Variants in TOX2 observed in about 807,000 individuals in gnomAD.
The protein encoded by TOX2 is granulosa cell HMG box 1.
Under a neutral mutation model 47.4 loss-of-function variants are expected in TOX2, and 15 were observed. That is an observed-to-expected ratio of 0.32 (90% CI 0.21 to 0.49). TOX2 has a LOEUF of 0.49. Ranked by LOEUF, TOX2 falls within the 20% of genes least tolerant of loss-of-function variation. TOX2 has a pLI of 0.99. For missense variants in TOX2, 622 were observed against 673.1 expected, an observed-to-expected ratio of 0.92 and a Z score of 0.84; for synonymous variants, 290 against 296.6, an observed-to-expected ratio of 0.98 and a Z score of 0.23.
intron 2 of TOX2, among the ~76,000 whole-genome samples, chr20:44,003,991 T>A (rs1044606401): frequency 6.6e-6 from 1 of 152,054 alleles, no homozygotes; most frequent in African/African-American, 2.4e-5. Flanking sequence ...GCAGCCCGAG[T>A]GGCCAATGAA....
At chr20:44,027,128 G>T (rs973950065) in intron 3 of TOX2, among the ~76,000 whole-genome samples, 1 of 152,220 alleles carries the variant, frequency 6.6e-6, no homozygotes, top group African/African-American at 2.4e-5. Context: ...AGGGCCTGAT[G>T]AATAATTTAA....
At chr20:43,946,877 C>T (rs2069482229) in intron 1 of TOX2, among the ~76,000 whole-genome samples, 1 of 152,198 alleles carries the variant, frequency 6.6e-6, no homozygotes, top group Non-Finnish European at 1.5e-5. Context: ...GGAGACCCGA[C>T]CTCTTCTCGT....
intron 1 of TOX2, among the ~76,000 whole-genome samples, chr20:43,945,134 C>T (rs1045044771): frequency 4.0e-5 from 6 of 151,608 alleles, no homozygotes; most frequent in East Asian, 3.9e-4. Flanking sequence ...ATGTAATACA[C>T]GCTTGTGGTA....
chr20:44,008,557 C>T (rs990282490), intron 3 of TOX2, among the ~76,000 whole-genome samples: 2 of 62,350 alleles, frequency 3.2e-5, no homozygotes, highest in Non-Finnish European at 6.1e-5. Context: ...AAGACCCTGT[C>T]TCAAAAAAAA....
intron 1 of TOX2, among the ~76,000 whole-genome samples, chr20:43,951,415 A>G (rs1388514340): frequency 6.6e-6 from 1 of 152,034 alleles, no homozygotes; most frequent in Admixed American, 6.5e-5. Context: ...TATCTACTAA[A>G]AATACAAAAA....
intron 1 of TOX2, among the ~76,000 whole-genome samples, chr20:43,931,704 C>T (rs916634071): frequency 1.3e-5 from 2 of 152,088 alleles, no homozygotes; most frequent in African/African-American, 2.4e-5. Context: ...AAATACTGGA[C>T]GGGGCAAGAG....
intron 1 of TOX2, among the ~76,000 whole-genome samples, chr20:43,954,289 T>C (rs375309423): frequency 5.9e-5 from 9 of 152,316 alleles, no homozygotes; most frequent in Admixed American, 3.3e-4. Flanking sequence ...TCCTTCTCTC[T>C]CTTCTGGGCT....
At chr20:43,957,974 C>T (rs1275996563) in intron 1 of TOX2, among the ~76,000 whole-genome samples, 2 of 152,140 alleles carry the variant, frequency 1.3e-5, no homozygotes, top group East Asian at 1.9e-4. Flanking sequence ...ATTACCTCAC[C>T]ATGTCCCTCC....
At chr20:44,066,176 A>C (rs549839206) in intron 7 of TOX2, 69 bp downstream of exon 7, 1 of 1,441,002 alleles carries the variant, frequency 6.9e-7, no homozygotes, top group South Asian at 1.5e-5. Flanking sequence ...TGCCCTTTCA[A>C]ACCCTGGCCC....
intron 1 of TOX2, among the ~76,000 whole-genome samples, chr20:43,964,325 C>T (rs1178247575): frequency 6.6e-6 from 1 of 152,218 alleles, no homozygotes; most frequent in East Asian, 1.9e-4. Flanking sequence ...GCACCCCTCC[C>T]CCGGCATCTT....
At chr20:43,925,047 G>A (rs1054361331) in intron 1 of TOX2, among the ~76,000 whole-genome samples, 2 of 151,978 alleles carry the variant, frequency 1.3e-5, no homozygotes, top group African/African-American at 2.4e-5. Context: ...TCATATCATC[G>A]TGGTCTATTC....
intron 1 of TOX2, among the ~76,000 whole-genome samples, chr20:43,942,492 A>G (rs963492156): frequency 1.5e-4 from 23 of 152,216 alleles, no homozygotes; most frequent in African/African-American, 5.3e-4. Context: ...AGCCTAGGCA[A>G]CATAGTGAGA....
intron 1 of TOX2, among the ~76,000 whole-genome samples, chr20:43,949,330 C>G (rs2069521067): frequency 6.6e-6 from 1 of 152,190 alleles, no homozygotes. Flanking sequence ...ACCGCAGGAG[C>G]CTCCTCCCAG....
chr20:43,932,351 CAG>C (rs1336204049), intron 1 of TOX2, among the ~76,000 whole-genome samples: 1 of 152,106 alleles, frequency 6.6e-6, no homozygotes, highest in Non-Finnish European at 1.5e-5. Flanking sequence ...TTTGTGATCT[CAG>C]GGACTTATAT....
At chr20:43,962,996 A>G (rs530649872) in intron 1 of TOX2, among the ~76,000 whole-genome samples, 1 of 152,298 alleles carries the variant, frequency 6.6e-6, no homozygotes, top group South Asian at 2.1e-4. Context: ...TTTTGTTGTC[A>G]TCGTCATCAT....
At chr20:44,027,546 A>G (rs2071085481) in intron 3 of TOX2, among the ~76,000 whole-genome samples, 2 of 152,138 alleles carry the variant, frequency 1.3e-5, no homozygotes, top group South Asian at 2.1e-4. Flanking sequence ...GTTCATCCCC[A>G]TGGGGGCAGC....
At chr20:43,974,594 A>G (rs1438145486) in intron 2 of TOX2, among the ~76,000 whole-genome samples, 2 of 152,218 alleles carry the variant, frequency 1.3e-5, no homozygotes, top group African/African-American at 4.8e-5. Context: ...TGTGGGGGCT[A>G]TGGCAGTCCA....
intron 3 of TOX2, among the ~76,000 whole-genome samples, chr20:44,035,026 C>T (rs6073293): frequency 0.64 from 97,567 of 152,052 alleles, 31,921 homozygotes; most frequent in East Asian, 0.8. Context: ...ACTCATCCCA[C>T]GCATTCCACT....
At chr20:43,951,707 G>GTTTTTTTTTTTGTTTTTTTTTTT (rs2069572061) in intron 1 of TOX2, among the ~76,000 whole-genome samples, 1 of 55,094 alleles carries the variant, frequency 1.8e-5, no homozygotes, top group East Asian at 5.3e-4. Context: ...AACTTATTAT[G>GTTTTTTTTTTTGTTTTTTTTTTT]TTTTTTTTTT....
Sources: allele counts gnomAD v4.1 joint callset (sites outside exome capture counted in the v4.1 genomes callset), GRCh38; gene constraint gnomAD v4.1.1; transcripts MANE v1.5; gene names NCBI Gene and HGNC (gene_info 2026-07-23, HGNC 2026-07-21).